The following TTC9 variants were observed in gnomAD, a reference collection of about 807,000 sequenced individuals.
TTC9 encodes tetratricopeptide repeat domain 9.
A neutral mutation model predicts 22.9 loss-of-function variants in TTC9; 13 were observed. That is an observed-to-expected ratio of 0.57 (90% CI 0.37 to 0.90). The LOEUF (loss-of-function observed/expected upper bound fraction) is 0.90. Among genes scored for constraint, TTC9 ranks in the 40% least tolerant of loss-of-function variants. The pLI, the probability that TTC9 is intolerant of heterozygous loss-of-function variation, is 0.01. For missense variants in TTC9, 280 were observed against 291.8 expected (o/e 0.96, Z 0.29); for synonymous variants, 148 against 133.2 (o/e 1.11, Z -0.77).
At chr14:70,663,632 A>C (rs1403945104) in intron 1 of TTC9, among the ~76,000 whole-genome samples, 1 of 151,910 alleles carries the variant, frequency 6.6e-6, no homozygotes, top group Non-Finnish European at 1.5e-5. Flanking sequence ...TTTGTCCTTC[A>C]TAGCAGTTAG....
chr14:70,673,879 G>C lies in TTC9; in HGVS notation c.*2724G>C, dbSNP rs1886332152. 6.6e-6 allele frequency: 1 copy of C among 152,126 alleles called. No individual in the cohort carries two copies. Among genetic ancestry groups the C allele is most frequent in the Non-Finnish European group, 1.5e-5 (1 of 68,050 alleles). 9.4% of individuals were successfully genotyped at this position (152,126 alleles called of 1,614,324 possible). On this transcript the variant is annotated 3_prime_UTR_variant, in exon 3 of 3. Transcript: ENST00000256367. The stretch of plus-strand genomic sequence containing the variant: ...AGAACGAAATGAAGACAGCCTCTCA[G>C]AACCTCATAGAACAAGCGTCCAGGT...
At chr14:70,654,577 G>A (rs551456913) in intron 1 of TTC9, among the ~76,000 whole-genome samples, 5 of 74,918 alleles carry the variant, frequency 6.7e-5, no homozygotes, top group African/African-American at 2.4e-4. Flanking sequence ...GCAACAGTAA[G>A]GCTCTGTCTC....
chr14:70,643,838 G>T (rs990794514), intron 1 of TTC9, among the ~76,000 whole-genome samples: 1 of 152,182 alleles, frequency 6.6e-6, no homozygotes, highest in Non-Finnish European at 1.5e-5. Context: ...TTTGTAAATT[G>T]TAAAGTACTT....
intron 2 of TTC9, among the ~76,000 whole-genome samples, chr14:70,668,039 G>A (rs1886238766): frequency 6.6e-6 from 1 of 151,960 alleles, no homozygotes; most frequent in Admixed American, 6.6e-5. Context: ...TATATATATT[G>A]AATTCATACT....
chr14:70,667,962 A>C (rs994554774), intron 2 of TTC9, among the ~76,000 whole-genome samples: 11 of 152,216 alleles, frequency 7.2e-5, no homozygotes, highest in Non-Finnish European at 1.3e-4. Flanking sequence ...CTTCTCTTCA[A>C]ATAGAGTATA....
intron 1 of TTC9, among the ~76,000 whole-genome samples, chr14:70,655,349 G>A (rs569730121): frequency 4.6e-5 from 7 of 151,946 alleles, no homozygotes; most frequent in East Asian, 3.9e-4. Context: ...AGCCGAGATC[G>A]CGCCACTGCT....
At chr14:70,642,584 G>T in intron 1 of TTC9, 49 bp downstream of exon 1, 1 of 1,461,910 alleles carries the variant, frequency 6.8e-7, no homozygotes, top group South Asian at 1.3e-5. Context: ...CTTCGGCCCG[G>T]TCCCTCCGCG....
At chr14:70,645,102 ACT>A (rs1162079386) in intron 1 of TTC9, among the ~76,000 whole-genome samples, 2 of 152,074 alleles carry the variant, frequency 1.3e-5, no homozygotes, top group East Asian at 1.9e-4. Flanking sequence ...ACAGAACGAG[ACT>A]CTGTCTCAAA....
chr14:70,647,547 G>T (rs1885920379), intron 1 of TTC9, among the ~76,000 whole-genome samples: 1 of 152,176 alleles, frequency 6.6e-6, no homozygotes, highest in African/African-American at 2.4e-5. Context: ...TGAATGGAAA[G>T]AATGGCCCTT....
At chr14:70,647,937 A>C (rs1175337113) in intron 1 of TTC9, among the ~76,000 whole-genome samples, 1 of 152,170 alleles carries the variant, frequency 6.6e-6, no homozygotes, top group African/African-American at 2.4e-5. Context: ...AGGTGGACAA[A>C]ATTGGATACA....
chr14:70,663,095 T>A (rs1456221852), intron 1 of TTC9, among the ~76,000 whole-genome samples: 4 of 152,196 alleles, frequency 2.6e-5, no homozygotes, highest in Non-Finnish European at 4.4e-5. Context: ...CACTCTTGCC[T>A]CACAATGAAG....
At chr14:70,659,417 GTGT>G (rs923450608) in intron 1 of TTC9, among the ~76,000 whole-genome samples, 8 of 152,168 alleles carry the variant, frequency 5.3e-5, no homozygotes, top group African/African-American at 1.2e-4. Flanking sequence ...GCAAAGATAG[GTGT>G]TGTTTCAGGA....
chr14:70,642,527 G>A lies in TTC9; in HGVS notation c.398G>A (p.Ser133Asn), dbSNP rs974108212. ...VEAIEIDCYN[S>N]LAACLLQAEL... ...GCCATCGAGATCGACTGTTACAACA[G>A]CCTGGCAGGTGAGCCGCGCCGCGCC... Residue 133 changes from serine (S) to asparagine (N), a missense_variant, in exon 1 of 3, where the codon AGC becomes AAC. By Grantham distance (46) the Ser-to-Asn change is conservative (BLOSUM62 1). This residue lies in a region of TTC9 where 165 missense variants were observed against 145.4 expected (regional missense o/e 1.14). Coordinates refer to ENST00000256367, the MANE Select transcript of TTC9 (RefSeq NM_015351.2). 5.9e-6 allele frequency: 9 copies of A among 1,535,606 alleles called. No homozygotes were observed. Among genetic ancestry groups the A allele is most frequent in the African/African-American group, 4.2e-5 (3 of 71,368 alleles).
rs2139635083 is a variant in TTC9, at chr14:70,642,182, C to T, written c.53C>T (p.Ala18Val). Residue 18 changes from alanine to valine, a missense_variant, in exon 1 of 3, where the codon GCG becomes GTG. This residue lies in a region of TTC9 where 49 missense variants were observed against 39.8 expected (regional missense o/e 1.23). Transcript: ENST00000256367. ...GCCAAGGGGAACCCGAGCCCGCCCG[C>T]GGCCGGAGAGGGGCAGCGGCCACCG... ...AGAKGNPSPP[A>V]AGEGQRPPPP... The T allele has an allele frequency of 8.3e-7, 1 of 1,211,678 alleles. No homozygotes were observed. The allele number at this position is 1,211,678 out of a possible 1,614,324, so 75.1% of individuals were successfully genotyped here. A position where few individuals can be genotyped will look rare whatever the true frequency, so the allele number is the denominator to read the frequency against.
At chr14:70,644,038 A>G (rs773555651) in intron 1 of TTC9, among the ~76,000 whole-genome samples, 3 of 152,180 alleles carry the variant, frequency 2.0e-5, no homozygotes, top group Non-Finnish European at 4.4e-5. Flanking sequence ...CTGCTGCCCC[A>G]TGAATAGTTA....
chr14:70,662,988 C>G (rs554447325), intron 1 of TTC9, among the ~76,000 whole-genome samples: 2 of 152,302 alleles, frequency 1.3e-5, no homozygotes, highest in South Asian at 2.1e-4. Flanking sequence ...CTGCTGGTCA[C>G]CTCTGCCTCC....
intron 1 of TTC9, among the ~76,000 whole-genome samples, chr14:70,645,825 A>C (rs1359101479): frequency 6.6e-6 from 1 of 152,362 alleles, no homozygotes; most frequent in Middle Eastern, 3.4e-3. Flanking sequence ...AAAGCTGTGC[A>C]TAGAGAGACA....
rs751516988 is a variant in TTC9, at chr14:70,642,405, G to GC, written c.282dup (p.Gly95ArgfsTer48). 5 of 1,597,662 alleles carry GC rather than the reference G, an allele frequency of 3.1e-6. No individual in the cohort carries two copies. Among genetic ancestry groups the GC allele is most frequent in the East Asian group, 2.3e-5 (1 of 43,880 alleles). On this transcript the variant is annotated frameshift_variant, in exon 1 of 3. Coordinates refer to ENST00000256367, the MANE Select transcript of TTC9 (RefSeq NM_015351.2). LOFTEE classifies it high-confidence loss of function. The stretch of plus-strand genomic sequence containing the variant: ...TGCTGGAGCTGAAGGGGCTGCTGCC[G>GC]CCCCCCGGGGAACGGGAGCGGGACT...
rs1215639627 is a variant in TTC9, at chr14:70,673,302, A to G, written c.*2147A>G. 2 of 152,242 alleles carry G rather than the reference A, an allele frequency of 1.3e-5. No homozygotes were observed. Among genetic ancestry groups the G allele is most frequent in the African/African-American group, 2.4e-5 (1 of 41,454 alleles). The allele number at this position is 152,242 out of a possible 1,614,324, so 9.4% of individuals were successfully genotyped here. ...TCCAATCACAGCCGAGGGGCCCAGA[A>G]GAGAGCAGCGTAAGTTATATTCACA... On this transcript the variant is annotated 3_prime_UTR_variant, in exon 3 of 3. Coordinates refer to ENST00000256367, the MANE Select transcript of TTC9 (RefSeq NM_015351.2).
Sources: allele counts gnomAD v4.1 joint callset (sites outside exome capture counted in the v4.1 genomes callset), GRCh38; gene constraint gnomAD v4.1.1; regional missense constraint gnomAD v4.1.1; transcripts MANE v1.5; gene names NCBI Gene and HGNC (gene_info 2026-07-23, HGNC 2026-07-21).